The following PTPN13 variants were observed in gnomAD, a reference collection of about 807,000 sequenced individuals.
PTPN13 encodes tyrosine-protein phosphatase non-receptor type 13.
A neutral mutation model predicts 284.0 loss-of-function variants in PTPN13; 191 were observed. The observed-to-expected ratio is 0.67, with a 90% CI of 0.60 to 0.76. PTPN13 has a LOEUF of 0.76. Ranked by LOEUF, PTPN13 falls within the 30% of genes least tolerant of loss-of-function variation. The pLI is 0.00. For missense variants in PTPN13, 2,797 were observed against 2,939.9 expected, an observed-to-expected ratio of 0.95 and a Z score of 1.12; for synonymous variants, 986 against 1,022.3, an observed-to-expected ratio of 0.96 and a Z score of 0.68.
intron 10 of PTPN13, among the ~76,000 whole-genome samples, chr4:86,723,045 A>T (rs1205656793): frequency 6.6e-6 from 1 of 152,184 alleles, no homozygotes; most frequent in Non-Finnish European, 1.5e-5. Context: ...ACCTATGACA[A>T]TATATTTTTA....
intron 30 of PTPN13, 127 bp downstream of exon 30, chr4:86,770,326 G>A: frequency 1.3e-6 from 1 of 773,642 alleles, no homozygotes; most frequent in Non-Finnish European, 2.1e-6. Context: ...GTTTTAGGTA[G>A]GCATGTTATC....
At chr4:86,747,533 T>TAGCAGCAGCAGCAGCGGCAGC (rs1171353427) in intron 17 of PTPN13, among the ~76,000 whole-genome samples, 1 of 151,542 alleles carries the variant, frequency 6.6e-6, no homozygotes, top group African/African-American at 2.4e-5. Flanking sequence ...GCGGTAATAG[T>TAGCAGCAGCAGCAGCGGCAGC]AGCAGCAGCA....
intron 39 of PTPN13, among the ~76,000 whole-genome samples, 192 bp downstream of exon 39, chr4:86,785,560 T>C (rs915784690): frequency 1.3e-5 from 2 of 152,126 alleles, no homozygotes; most frequent in Non-Finnish European, 2.9e-5. Context: ...GGTTACCTTA[T>C]TAGTGAGATC....
chr4:86,807,605 A>G lies in PTPN13; in HGVS notation c.6791A>G (p.Asn2264Ser), dbSNP rs779205368. 3 of 1,613,770 alleles carry G rather than the reference A, an allele frequency of 1.9e-6. No individual in the cohort carries two copies. The African/African-American group carries it at 4.0e-5, about 22-fold the overall frequency. Residue 2264 changes from asparagine (N) to serine (S), a missense_variant, in exon 45 of 48, where the codon AAT becomes AGT. Transcript: ENST00000411767. ...CTTGGAGATGAAGGTGGCTATATCA[A>G]TGCCAGCTTCATTAAGATACCAGTT... is the stretch of plus-strand genomic sequence containing the variant. ...VPLGDEGGYINASFIKIPVGK... is the reference protein window; with the variant it reads ...VPLGDEGGYISASFIKIPVGK...
intron 1 of PTPN13, among the ~76,000 whole-genome samples, chr4:86,609,806 C>A (rs1008711361): frequency 5.3e-5 from 8 of 152,046 alleles, no homozygotes; most frequent in Non-Finnish European, 1.2e-4. Context: ...TGAAAATTTT[C>A]TTTTAATTGA....
chr4:86,595,071 A>ATTCTC (rs1763496402), intron 1 of PTPN13, among the ~76,000 whole-genome samples: 1 of 152,142 alleles, frequency 6.6e-6, no homozygotes, highest in African/African-American at 2.4e-5. Context: ...ATTCTCGGGA[A>ATTCTC]TGAAACCCAC....
At chr4:86,755,354 C>G (rs971277967) in intron 20 of PTPN13, among the ~76,000 whole-genome samples, 1 of 143,586 alleles carries the variant, frequency 7.0e-6, no homozygotes, top group African/African-American at 2.5e-5. Flanking sequence ...AAAAGTTGCT[C>G]AACTTAAAAA....
intron 12 of PTPN13, 39 bp from the exon 13 acceptor site, chr4:86,734,264 T>A (rs1735255199): frequency 7.3e-7 from 1 of 1,376,462 alleles, no homozygotes; most frequent in Non-Finnish European, 9.7e-7. Flanking sequence ...ACTAAAGTAT[T>A]TTTTTATTTT....
intron 2 of PTPN13, among the ~76,000 whole-genome samples, chr4:86,665,826 G>A (rs902670559): frequency 6.6e-6 from 1 of 152,138 alleles, no homozygotes; most frequent in Non-Finnish European, 1.5e-5. Context: ...TTTGTCTTCT[G>A]TGGGGGGAAA....
intron 2 of PTPN13, among the ~76,000 whole-genome samples, chr4:86,637,151 G>T (rs568251903): frequency 6.6e-6 from 1 of 152,056 alleles, no homozygotes; most frequent in Non-Finnish European, 1.5e-5. Context: ...TCTCTGAATA[G>T]ACCAATAACA....
intron 15 of PTPN13, among the ~76,000 whole-genome samples, chr4:86,736,203 G>A (rs1261930968): frequency 6.6e-6 from 1 of 152,106 alleles, no homozygotes; most frequent in African/African-American, 2.4e-5. Context: ...GTAGATAGGG[G>A]TAGAGAGTCA....
chr4:86,696,115 T>A (rs1292712364), intron 6 of PTPN13, among the ~76,000 whole-genome samples: 1 of 152,020 alleles, frequency 6.6e-6, no homozygotes, highest in Non-Finnish European at 1.5e-5. Flanking sequence ...GAGATTATAC[T>A]GAGTCTATAC....
At chr4:86,595,852 G>A in intron 1 of PTPN13, 1 of 685,340 alleles carries the variant, frequency 1.5e-6, no homozygotes, top group Non-Finnish European at 1.8e-6. Flanking sequence ...GGATGGGGGG[G>A]GGAGTAAAAG....
At position 86,751,127 on chromosome 4, in the gene PTPN13, C is replaced by T. The variant is rs746496208; in HGVS notation, c.3166+3C>T. ...CCCTGGGCAAGCATATGTTCTAGGT[C>T]AGCAAAAACAAGCTTACCTTCTTTG... On this transcript the variant is annotated splice_donor_region_variant and intron_variant, in intron 19 of 47. Transcript: ENST00000411767. 4 of 1,558,820 alleles carry T rather than the reference C, an allele frequency of 2.6e-6. No individual in the cohort carries two copies. In the Admixed American group the frequency reaches 5.1e-5, roughly 20 times the overall value.
intron 47 of PTPN13, 82 bp from the exon 48 acceptor site, chr4:86,814,374 C>A: frequency 1.1e-6 from 1 of 932,800 alleles, no homozygotes; most frequent in Non-Finnish European, 1.6e-6. Flanking sequence ...TCCAACATCA[C>A]TTCCAATAGT....
In PTPN13 at chr4:86,784,540, A is replaced by G. The variant is rs748562428; in HGVS notation, c.6100A>G (p.Asn2034Asp). 11 of 1,606,802 alleles carry G rather than the reference A, an allele frequency of 6.8e-6. No homozygotes were observed. The Admixed American group carries it at 1.9e-4, about 28-fold the overall frequency. ...CSTYQIKGSP[N>D]LTLPKESYIQ... ...TACTTATCAGATAAAGGGATCACCA[A>G]ACTTGACTCTGCCCAAAGGTAGTTT... The change falls in exon 38 of 48, where the codon AAC becomes GAC. Residue 2034 changes from asparagine to aspartate, a missense_variant. Transcript: ENST00000411767.
chr4:86,741,461 G>C (rs1248995689), intron 15 of PTPN13, among the ~76,000 whole-genome samples, 173 bp from the exon 16 acceptor site: 1 of 152,034 alleles, frequency 6.6e-6, no homozygotes, highest in Non-Finnish European at 1.5e-5. Flanking sequence ...GAACAACACA[G>C]GAAAGACCTG....
At position 86,728,643 on chromosome 4, in the gene PTPN13, CTTTTTTTTTTTTTTTTTT is replaced by C. The variant is rs57773658; in HGVS notation, c.1609-3740_1609-3723del. Among the ~76,000 whole-genome samples, 40 of 24,506 alleles carry C rather than the reference CTTTTTTTTTTTTTTTTTT, an allele frequency of 1.6e-3. 2 individuals carry two copies. Among genetic ancestry groups the C allele is most frequent in the South Asian group, 7.0e-3 (5 of 716 alleles). 16.1% of individuals were successfully genotyped at this position (24,506 alleles called of 152,430 possible). ...CAGAGACTAGGATTGCAACCCCTGC[CTTTTTTTTTTTTTTTTTT>C]TTTTTTTTTTTTTTTTGCTTTCCAT... On this transcript the variant is annotated intron_variant, in intron 10 of 47. Coordinates refer to ENST00000411767, the MANE Select transcript of PTPN13 (RefSeq NM_080683.3).
intron 10 of PTPN13, among the ~76,000 whole-genome samples, chr4:86,730,911 G>C (rs1353444912): frequency 6.6e-6 from 1 of 152,124 alleles, no homozygotes; most frequent in African/African-American, 2.4e-5. Flanking sequence ...CTGCAGACTG[G>C]AGCTGTTCCT....
Sources: gnomAD v4.1 joint callset for allele counts (sites outside exome capture counted in the v4.1 genomes callset) on GRCh38, gnomAD v4.1.1 for gene constraint, MANE v1.5 for transcripts, NCBI Gene and HGNC (gene_info 2026-07-23, HGNC 2026-07-21) for gene names.